Variants in ADGRL2 observed in about 807,000 individuals in gnomAD.
ADGRL2 encodes the protein calcium-independent alpha-latrotoxin receptor 2.
In ADGRL2, 44 loss-of-function variants were observed where a neutral mutation model predicts 157.4. The observed-to-expected ratio is 0.28, with a 90% CI of 0.22 to 0.36. ADGRL2 has a LOEUF of 0.36. ADGRL2 is among the 10% of genes least tolerant of loss of function. The probability of loss-of-function intolerance (pLI) is 1.00; values close to 1 mark genes in which losing one functional copy is unlikely to be tolerated. For missense variants in ADGRL2, 1,510 were observed against 1,768.9 expected (o/e 0.85, Z 2.63); for synonymous variants, 585 against 624.7 (o/e 0.94, Z 0.95).
intron 3 of ADGRL2, chr1:81,596,303 AT>A: frequency 1.8e-6 from 1 of 552,730 alleles, no homozygotes; most frequent in African/African-American, 1.9e-5. Context: ...CACCACAAGG[AT>A]TTTTTCTTGT....
chr1:81,835,289 C>T (rs189278224), intron 1 of ADGRL2, among the ~76,000 whole-genome samples: 11 of 152,230 alleles, frequency 7.2e-5, no homozygotes, highest in Admixed American at 2.0e-4. Context: ...ACTTCATCCA[C>T]GCGTTTACAT....
chr1:81,464,312 C>T (rs897681252), intron 2 of ADGRL2, among the ~76,000 whole-genome samples: 13 of 152,026 alleles, frequency 8.6e-5, no homozygotes, highest in African/African-American at 3.1e-4. Context: ...ACACGCACTC[C>T]ATCCCCCCAA....
At chr1:81,360,627 C>A (rs2075960596) in intron 1 of ADGRL2, among the ~76,000 whole-genome samples, 6 of 151,708 alleles carry the variant, frequency 4.0e-5, no homozygotes, top group Admixed American at 3.9e-4. Flanking sequence ...AATATAAATC[C>A]CATGAGAACA....
intron 2 of ADGRL2, among the ~76,000 whole-genome samples, chr1:81,781,620 G>A (rs1036555745): frequency 6.6e-6 from 1 of 152,168 alleles, no homozygotes; most frequent in African/African-American, 2.4e-5. Flanking sequence ...TTACAGATGG[G>A]AGGAAGATAT....
At position 81,656,861 on chromosome 1, in the gene ADGRL2, T is replaced by G. The variant is rs565075636; in HGVS notation, c.-143+75881T>G. ...CCTGTCTCTACAAAAAATACAAAAA[T>G]TAGATGGGTGTGGTGGCACACACCT... On this transcript the variant is annotated intron_variant, in intron 3 of 24. Transcript: ENST00000370721. 7.0e-3 allele frequency among the ~76,000 whole-genome samples: 1,061 copies of G among 151,484 alleles called. 22 individuals are homozygous for G. Among genetic ancestry groups the G allele is most frequent in the African/African-American group, 0.025 (1,020 of 41,304 alleles).
At chr1:81,763,832 C>A (rs1277119288) in intron 2 of ADGRL2, among the ~76,000 whole-genome samples, 1 of 151,830 alleles carries the variant, frequency 6.6e-6, no homozygotes, top group Non-Finnish European at 1.5e-5. Context: ...CATGGTGAAA[C>A]CCCGTCTCTA....
rs1414730811 is a variant in ADGRL2, at chr1:81,950,271, A to T, written c.1293A>T (p.Lys431Asn). ...IISTTSTTSQ[K>N]GPMSTTVAGS... is the part of the protein sequence containing the mutation. ...CAACCACAAGCACTACTTCACAGAA[A>T]GGCCCCATGAGCACAACTGTAGCTG... The change falls in exon 7 of 24, where the codon AAA (lysine) becomes AAT (asparagine). Residue 431 changes from lysine (K) to asparagine (N), a missense_variant. Lys to Asn is a moderately conservative substitution (Grantham distance 94). Around this residue, in one of 4 missense-constraint regions of ADGRL2, gnomAD observed 325 missense variants for 333.2 expected, o/e 0.98. Coordinates refer to ENST00000686636, the MANE Select transcript of ADGRL2 (RefSeq NM_001366006.2). The T allele has an allele frequency of 3.1e-6, 5 of 1,613,990 alleles. No homozygotes were observed. Among genetic ancestry groups the T allele is most frequent in the Non-Finnish European group, 4.2e-6 (5 of 1,179,978 alleles).
chr1:81,428,566 C>T (rs955746860), intron 1 of ADGRL2, among the ~76,000 whole-genome samples: 22 of 152,110 alleles, frequency 1.4e-4, no homozygotes, highest in African/African-American at 4.8e-4. Context: ...AGCTTAAAGG[C>T]CCCCATTCAT....
chr1:81,306,925 A>G (rs1368927395), intron 1 of ADGRL2, among the ~76,000 whole-genome samples: 1 of 152,232 alleles, frequency 6.6e-6, no homozygotes, highest in Non-Finnish European at 1.5e-5. Flanking sequence ...TGTGAAAAAT[A>G]ACTAACTGTT....
At chr1:81,931,706 G>C (rs2095233313) in intron 3 of ADGRL2, among the ~76,000 whole-genome samples, 1 of 151,984 alleles carries the variant, frequency 6.6e-6, no homozygotes, top group East Asian at 1.9e-4. Flanking sequence ...GTTTCATTAT[G>C]TTCCCTGGCC....
At chr1:81,517,383 T>C (rs1484775079) in intron 2 of ADGRL2, among the ~76,000 whole-genome samples, 1 of 144,652 alleles carries the variant, frequency 6.9e-6, no homozygotes, top group Non-Finnish European at 1.5e-5. Flanking sequence ...CTGAGGTGCT[T>C]GAACCTGGGA....
At chr1:81,307,120 G>T (rs971424765) in intron 1 of ADGRL2, among the ~76,000 whole-genome samples, 2 of 152,170 alleles carry the variant, frequency 1.3e-5, no homozygotes, top group African/African-American at 4.8e-5. Context: ...CATTATCCAT[G>T]TGATTATTTA....
At chr1:81,973,028 A>G (rs905224003) in intron 17 of ADGRL2, among the ~76,000 whole-genome samples, 1 of 151,710 alleles carries the variant, frequency 6.6e-6, no homozygotes, top group Admixed American at 6.6e-5. Flanking sequence ...CTTTTTTTTC[A>G]AAAACGTAAC....
intron 1 of ADGRL2, among the ~76,000 whole-genome samples, chr1:81,338,803 G>A (rs990949392): frequency 6.6e-6 from 1 of 152,032 alleles, no homozygotes; most frequent in Non-Finnish European, 1.5e-5. Context: ...ACTGAACCCG[G>A]GCAGCTTGGC....
chr1:81,568,695 T>A (rs1036793234), intron 2 of ADGRL2, among the ~76,000 whole-genome samples: 5 of 152,192 alleles, frequency 3.3e-5, no homozygotes, highest in Non-Finnish European at 5.9e-5. Flanking sequence ...TCAAACAATC[T>A]GCAAAGAATC....
intron 2 of ADGRL2, among the ~76,000 whole-genome samples, chr1:81,871,023 T>G (rs1294706690): frequency 6.6e-6 from 1 of 151,700 alleles, no homozygotes; most frequent in Non-Finnish European, 1.5e-5. Flanking sequence ...GCCATGTTGG[T>G]GTGCTGCACC....
chr1:81,670,007 A>T (rs927857240), intron 3 of ADGRL2, among the ~76,000 whole-genome samples: 7 of 151,566 alleles, frequency 4.6e-5, no homozygotes, highest in African/African-American at 1.7e-4. Flanking sequence ...TTAAACTGAG[A>T]CCTGGGGGAA....
intron 3 of ADGRL2, among the ~76,000 whole-genome samples, chr1:81,694,389 G>T (rs1489096618): frequency 1.3e-5 from 2 of 151,642 alleles, no homozygotes; most frequent in African/African-American, 4.8e-5. Flanking sequence ...TACCGATGTG[G>T]TTAGTTATAG....
Position 81,943,752 on chromosome 1 carries a change from C to T in ADGRL2, c.1193C>T (p.Pro398Leu). The part of the protein sequence containing the change: ...FILRYSLEFG[P>L]PDPAQVPTTA... ...TTACGATATTCTCTGGAGTTTGGTC[C>T]ACCTGATCCTGCCCAAGGTAAGCGT... The change falls in exon 6 of 24, where the codon CCA becomes CTA. Residue 398 changes from proline to leucine, a missense_variant. By Grantham distance (98) the Pro-to-Leu change is moderately conservative (BLOSUM62 -3). Coordinates refer to ENST00000686636, the MANE Select transcript of ADGRL2 (RefSeq NM_001366006.2). The surrounding 1 kb of genome is among the most constrained non-coding windows in gnomAD (Gnocchi z 5.6). 2 of 1,612,662 alleles carry T rather than the reference C, an allele frequency of 1.2e-6. No individual in the cohort carries two copies. Among genetic ancestry groups the T allele is most frequent in the South Asian group, 2.2e-5 (2 of 91,022 alleles).
Sources: allele counts gnomAD v4.1 joint callset (sites outside exome capture counted in the v4.1 genomes callset), GRCh38; gene constraint gnomAD v4.1.1; regional missense constraint gnomAD v4.1.1; non-coding constraint Gnocchi (gnomAD v3.1); transcripts MANE v1.5; gene names NCBI Gene and HGNC (gene_info 2026-07-23, HGNC 2026-07-21).